Variants in PPARGC1A observed in about 807,000 individuals in gnomAD.
PPARGC1A encodes peroxisome proliferator-activated receptor gamma coactivator 1-alpha.
In PPARGC1A, 25 loss-of-function variants were observed where a neutral mutation model predicts 88.7. The ratio of observed to expected loss-of-function variants is 0.28; its 90% CI spans 0.21 to 0.39. The LOEUF is 0.39. Among genes scored for constraint, PPARGC1A ranks in the 10% least tolerant of loss-of-function variants. The pLI, the probability that PPARGC1A is intolerant of heterozygous loss-of-function variation, is 1.00. For missense variants in PPARGC1A, 880 were observed against 968.7 expected (o/e 0.91, Z 1.22); for synonymous variants, 363 against 355.6 (o/e 1.02, Z -0.24).
intron 2 of PPARGC1A, among the ~76,000 whole-genome samples, chr4:23,845,693 C>T (rs914432641): frequency 3.3e-5 from 5 of 152,134 alleles, no homozygotes; most frequent in African/African-American, 9.7e-5. Context: ...GACTAACTTT[C>T]GTATTCCACT....
intron 2 of PPARGC1A, among the ~76,000 whole-genome samples, chr4:23,850,425 T>C (rs1053940418): frequency 6.6e-6 from 1 of 152,210 alleles, no homozygotes; most frequent in Non-Finnish European, 1.5e-5. Flanking sequence ...ACCAGGGAAC[T>C]AAAAGTAAAC....
the PPARGC1A span, among the ~76,000 whole-genome samples, chr4:24,123,746 C>G: frequency 6.6e-6 from 1 of 152,022 alleles, no homozygotes; most frequent in African/African-American, 2.4e-5. Context: ...AAACCTGGAT[C>G]TCTGACTTCC....
the PPARGC1A span, among the ~76,000 whole-genome samples, chr4:24,458,021 A>G: frequency 1.3e-5 from 2 of 152,214 alleles, no homozygotes; most frequent in Admixed American, 1.3e-4. Flanking sequence ...AAAGGCTCTG[A>G]TAACTGGAGT....
the PPARGC1A span, among the ~76,000 whole-genome samples, chr4:24,056,276 G>A: frequency 6.6e-6 from 1 of 152,164 alleles, no homozygotes; most frequent in South Asian, 2.1e-4. Flanking sequence ...GTTCTGCTTA[G>A]GCTGATAGAA....
At chr4:24,019,002 A>G in the PPARGC1A span, among the ~76,000 whole-genome samples, 1 of 152,206 alleles carries the variant, frequency 6.6e-6, no homozygotes, top group Non-Finnish European at 1.5e-5. Context: ...TGCTCAGCAT[A>G]TTTGAACAAA....
chr4:24,034,630 T>C, the PPARGC1A span, among the ~76,000 whole-genome samples: 1 of 152,164 alleles, frequency 6.6e-6, no homozygotes, highest in Non-Finnish European at 1.5e-5. Flanking sequence ...CCATGAATTG[T>C]TAATTCTTGA....
chr4:24,192,652 C>T, the PPARGC1A span, among the ~76,000 whole-genome samples: 3 of 152,174 alleles, frequency 2.0e-5, no homozygotes, highest in Admixed American at 1.3e-4. Context: ...TCAACAAGGT[C>T]TAAAAATATG....
chr4:23,977,042 A>G, the PPARGC1A span, among the ~76,000 whole-genome samples: 1 of 152,018 alleles, frequency 6.6e-6, no homozygotes, highest in African/African-American at 2.4e-5. Context: ...AACAAGAAGG[A>G]GAAGAGGAAG....
upstream of PPARGC1A, among the ~76,000 whole-genome samples, chr4:23,907,224 AAAAC>A (rs1236683793): frequency 7.9e-5 from 12 of 152,224 alleles, no homozygotes; most frequent in East Asian, 1.9e-4. Flanking sequence ...CGCACCTAAA[AAAAC>A]AAACAAGGAA....
the PPARGC1A span, among the ~76,000 whole-genome samples, chr4:24,317,583 A>C: frequency 0.019 from 2,743 of 140,900 alleles, 83 homozygotes; most frequent in African/African-American, 0.071. Flanking sequence ...AAAAAAAAAA[A>C]AAAAAAAAAA....
At chr4:23,987,273 G>A in the PPARGC1A span, among the ~76,000 whole-genome samples, 11 of 152,014 alleles carry the variant, frequency 7.2e-5, no homozygotes, top group Non-Finnish European at 1.5e-4. Flanking sequence ...GAATCCCTCT[G>A]CACCTGAAGA....
At chr4:24,236,294 C>T in the PPARGC1A span, among the ~76,000 whole-genome samples, 1 of 152,114 alleles carries the variant, frequency 6.6e-6, no homozygotes, top group African/African-American at 2.4e-5. Flanking sequence ...CTGATGACCT[C>T]TTCATGTATT....
the PPARGC1A span, among the ~76,000 whole-genome samples, chr4:24,028,391 T>C: frequency 3.9e-5 from 6 of 152,230 alleles, no homozygotes; most frequent in African/African-American, 1.4e-4. Context: ...ACTTGGAATT[T>C]TGTCCTTGTC....
At chr4:24,176,048 A>G in the PPARGC1A span, among the ~76,000 whole-genome samples, 1 of 152,136 alleles carries the variant, frequency 6.6e-6, no homozygotes, top group Non-Finnish European at 1.5e-5. Flanking sequence ...CTCAAGTCTC[A>G]AGGATCACTG....
chr4:24,169,836 C>CA, the PPARGC1A span, among the ~76,000 whole-genome samples: 1 of 151,650 alleles, frequency 6.6e-6, no homozygotes, highest in African/African-American at 2.4e-5. Context: ...CACTCTGTCT[C>CA]AAAAAACAAA....
the PPARGC1A span, among the ~76,000 whole-genome samples, chr4:24,082,649 A>C: frequency 6.6e-6 from 1 of 152,186 alleles, no homozygotes; most frequent in Admixed American, 6.5e-5. Flanking sequence ...ACTTGATGCA[A>C]AATATATTTG....
chr4:23,995,126 T>A, the PPARGC1A span, among the ~76,000 whole-genome samples: 1 of 152,122 alleles, frequency 6.6e-6, no homozygotes, highest in South Asian at 2.1e-4. Context: ...TCAAAACTCA[T>A]GTCAAGGTGA....
chr4:23,853,425 G>T (rs1729659755), intron 2 of PPARGC1A, among the ~76,000 whole-genome samples: 1 of 150,980 alleles, frequency 6.6e-6, no homozygotes, highest in Non-Finnish European at 1.5e-5. Context: ...AGTTACATCT[G>T]CTATGTTACC....
chr4:24,424,232 T>C, the PPARGC1A span, among the ~76,000 whole-genome samples: 5 of 142,706 alleles, frequency 3.5e-5, no homozygotes, highest in African/African-American at 5.1e-5. Flanking sequence ...AAAAAAATTG[T>C]ATGAAAGAGC....
Sources: allele counts gnomAD v4.1 joint callset (sites outside exome capture counted in the v4.1 genomes callset), GRCh38; gene constraint gnomAD v4.1.1; transcripts MANE v1.5; gene names NCBI Gene and HGNC (gene_info 2026-07-23, HGNC 2026-07-21).